Variants in GRIP1 observed in about 807,000 individuals in gnomAD.
GRIP1 encodes glutamate receptor-interacting protein 1.
In GRIP1, 45 loss-of-function variants were observed where a neutral mutation model predicts 129.9. The ratio of observed to expected loss-of-function variants is 0.35; its 90% CI spans 0.27 to 0.44. The LOEUF is 0.44. Among genes scored for constraint, GRIP1 ranks in the 20% least tolerant of loss-of-function variants. The pLI is 1.00. For missense variants in GRIP1, 1,196 were observed against 1,396.8 expected (o/e 0.86, Z 2.29); for synonymous variants, 530 against 520.8 (o/e 1.02, Z -0.24).
intron 1 of GRIP1, among the ~76,000 whole-genome samples, chr12:66,833,632 G>C (rs888447513): frequency 1.3e-5 from 2 of 152,012 alleles, no homozygotes; most frequent in Non-Finnish European, 2.9e-5. Flanking sequence ...CCCAACACTG[G>C]ACCCTTATCA....
At chr12:67,009,460 T>C (rs932303903) in intron 1 of GRIP1, among the ~76,000 whole-genome samples, 29 of 152,280 alleles carry the variant, frequency 1.9e-4, no homozygotes, top group African/African-American at 7.0e-4. Flanking sequence ...TCTTTTATCA[T>C]TTAGGAATAA....
chr12:66,820,763 A>C (rs2039302417), intron 1 of GRIP1, among the ~76,000 whole-genome samples: 1 of 152,170 alleles, frequency 6.6e-6, no homozygotes, highest in Non-Finnish European at 1.5e-5. Flanking sequence ...AAAAGACTAC[A>C]TAGTATGATT....
chr12:66,787,413 C>T (rs2136830362), intron 1 of GRIP1, among the ~76,000 whole-genome samples: 1 of 152,254 alleles, frequency 6.6e-6, no homozygotes, highest in South Asian at 2.1e-4. Context: ...AAGATGTTAT[C>T]CTGTACATCT....
rs186667750 is a variant in GRIP1 at position 66,549,718 on chromosome 12, G to T, written c.137-7768C>A. 3.9e-5 allele frequency among the ~76,000 whole-genome samples: 6 copies of T among 152,212 alleles called. No homozygotes were observed. The East Asian group carries it at 1.2e-3, about 29-fold the overall frequency. On this transcript the variant is annotated intron_variant, in intron 2 of 24. Coordinates refer to ENST00000359742, the MANE Select transcript of GRIP1 (RefSeq NM_001366722.1). Reference sequence around the variant, plus strand: ...GTGTAGTGACATGAGGGATATACTAGAATTTTTCTCATCCCTTGGGAGTCT... The same window carrying T: ...GTGTAGTGACATGAGGGATATACTATAATTTTTCTCATCCCTTGGGAGTCT...
chr12:66,876,737 G>T (rs2040389764), intron 1 of GRIP1, among the ~76,000 whole-genome samples: 1 of 152,000 alleles, frequency 6.6e-6, no homozygotes, highest in Non-Finnish European at 1.5e-5. Flanking sequence ...TCCATTTATG[G>T]GAAGGCAGGA....
intron 1 of GRIP1, among the ~76,000 whole-genome samples, chr12:66,895,917 T>C (rs1484316294): frequency 6.6e-6 from 1 of 152,190 alleles, no homozygotes; most frequent in Non-Finnish European, 1.5e-5. Flanking sequence ...CCACTTCTTA[T>C]ATCAGAGGGG....
intron 1 of GRIP1, among the ~76,000 whole-genome samples, chr12:67,040,518 G>C (rs772916519): frequency 2.0e-5 from 3 of 152,176 alleles, no homozygotes; most frequent in Non-Finnish European, 4.4e-5. Flanking sequence ...AGTCCTTTGA[G>C]ACTCCACTCA....
chr12:66,936,003 C>A (rs9668743), intron 1 of GRIP1, among the ~76,000 whole-genome samples: 8,521 of 152,150 alleles, frequency 0.056, 791 homozygotes, highest in African/African-American at 0.19. Context: ...TGCTTTAACA[C>A]CATGTAATGA....
At chr12:66,974,214 G>A (rs796286127) in intron 1 of GRIP1, among the ~76,000 whole-genome samples, 4 of 152,062 alleles carry the variant, frequency 2.6e-5, no homozygotes, top group African/African-American at 4.8e-5. Context: ...ATGAGCCACC[G>A]CACCTGGCCT....
intron 23 of GRIP1, 25 bp downstream of exon 23, chr12:66,371,669 G>C (rs1386080177): frequency 1.3e-6 from 2 of 1,509,046 alleles, no homozygotes; most frequent in South Asian, 2.2e-5. Context: ...TTTGACCCTA[G>C]GGAAAGAAGA....
At chr12:66,998,217 T>C (rs907653936) in intron 1 of GRIP1, among the ~76,000 whole-genome samples, 2 of 152,192 alleles carry the variant, frequency 1.3e-5, no homozygotes, top group African/African-American at 4.8e-5. Context: ...TGGCTACTGG[T>C]GACTGTACTA....
intron 1 of GRIP1, among the ~76,000 whole-genome samples, chr12:66,606,305 G>C (rs1565904532): frequency 6.6e-6 from 1 of 151,282 alleles, no homozygotes; most frequent in South Asian, 2.1e-4. Flanking sequence ...TTGTATGTAA[G>C]GGGTATAAGT....
intron 2 of GRIP1, among the ~76,000 whole-genome samples, chr12:66,558,790 C>T (rs1001122339): frequency 2.2e-4 from 28 of 125,514 alleles, no homozygotes; most frequent in Non-Finnish European, 3.1e-4. Context: ...TCAAACTATT[C>T]CAAAAAATAA....
intron 1 of GRIP1, among the ~76,000 whole-genome samples, chr12:67,047,709 A>G (rs961753654): frequency 6.6e-6 from 1 of 152,174 alleles, no homozygotes; most frequent in Non-Finnish European, 1.5e-5. Context: ...TCAATTTTTC[A>G]CAATTATGGG....
intron 1 of GRIP1, among the ~76,000 whole-genome samples, chr12:67,002,115 T>C (rs2042559836): frequency 6.6e-6 from 1 of 152,234 alleles, no homozygotes; most frequent in Admixed American, 6.5e-5. Context: ...GTACTGTATA[T>C]TGAATAAACA....
chr12:66,693,237 C>T (rs531786783), intron 1 of GRIP1, among the ~76,000 whole-genome samples: 31 of 152,274 alleles, frequency 2.0e-4, no homozygotes, highest in East Asian at 7.7e-4. Context: ...CCTGTAAGTA[C>T]GCTCGTTTTG....
intron 1 of GRIP1, among the ~76,000 whole-genome samples, chr12:67,036,397 G>A (rs556747084): frequency 5.3e-5 from 8 of 151,226 alleles, no homozygotes; most frequent in South Asian, 4.2e-4. Flanking sequence ...ATGAGATCTC[G>A]GCTCACTGCA....
chr12:66,686,849 G>A (rs1052158932), intron 1 of GRIP1, among the ~76,000 whole-genome samples: 4 of 152,156 alleles, frequency 2.6e-5, no homozygotes, highest in Non-Finnish European at 5.9e-5. Context: ...TTGAGCCCAG[G>A]AGTTTGAAAC....
At chr12:66,989,714 C>A (rs1488344598) in intron 1 of GRIP1, among the ~76,000 whole-genome samples, 1 of 152,122 alleles carries the variant, frequency 6.6e-6, no homozygotes, top group South Asian at 2.1e-4. Context: ...TAAACACTGT[C>A]ACTACACAAG....
Sources: gnomAD v4.1 joint callset for allele counts (sites outside exome capture counted in the v4.1 genomes callset) on GRCh38, gnomAD v4.1.1 for gene constraint, MANE v1.5 for transcripts, NCBI Gene and HGNC (gene_info 2026-07-23, HGNC 2026-07-21) for gene names.